Variants in KCNB2 observed in about 807,000 individuals in gnomAD.
The protein encoded by KCNB2 is delayed rectifier potassium channel protein.
A neutral mutation model predicts 61.5 loss-of-function variants in KCNB2; 15 were observed. The ratio of observed to expected loss-of-function variants is 0.24; its 90% CI spans 0.16 to 0.38. KCNB2 has a LOEUF of 0.38. KCNB2 is among the 10% of genes least tolerant of loss of function. The probability of loss-of-function intolerance (pLI) is 1.00; values close to 1 mark genes in which losing one functional copy is unlikely to be tolerated. For missense variants in KCNB2, 828 were observed against 1,125.2 expected, an observed-to-expected ratio of 0.74 and a Z score of 3.78; for synonymous variants, 457 against 446.0, an observed-to-expected ratio of 1.02 and a Z score of -0.31.
At chr8:72,661,510 G>C (rs188532408) in intron 2 of KCNB2, 1 of 152,112 alleles carries the variant, frequency 6.6e-6, no homozygotes, top group Non-Finnish European at 1.5e-5. Context: ...CTCATTTGAC[G>C]TAGTCATTTA....
intron 2 of KCNB2, among the ~76,000 whole-genome samples, chr8:72,609,020 G>A (rs554363735): frequency 2.0e-5 from 3 of 152,318 alleles, no homozygotes; most frequent in African/African-American, 7.2e-5. Context: ...TTAGGCACAA[G>A]TGATGTAGTG....
intron 2 of KCNB2, among the ~76,000 whole-genome samples, chr8:72,899,647 A>G (rs2129006504): frequency 6.9e-6 from 1 of 145,426 alleles, no homozygotes; most frequent in African/African-American, 2.6e-5. Context: ...AAGAATTGAA[A>G]TACCTAGGAA....
rs1254117190 is a variant in KCNB2, at chr8:72,775,166, G to A, written c.580-160769G>A. On this transcript the variant is annotated intron_variant, in intron 2 of 2. Coordinates refer to ENST00000523207, the MANE Select transcript of KCNB2 (RefSeq NM_004770.3). ...CAGTGAGACCAGCTCTGCCCTTCCG[G>A]TCAGGGCCTTCCACAGCCTGCAGTC... is the stretch of plus-strand genomic sequence containing the variant. Among the ~76,000 whole-genome samples the A allele has an allele frequency of 3.9e-5, 6 of 152,214 alleles. 1 individual carries two copies. Among genetic ancestry groups the A allele is most frequent in the Middle Eastern group, 3.4e-3 (1 of 294 alleles).
intron 2 of KCNB2, among the ~76,000 whole-genome samples, chr8:72,804,270 A>C (rs1809180094): frequency 6.6e-6 from 1 of 152,206 alleles, no homozygotes; most frequent in African/African-American, 2.4e-5. Context: ...AAGAGCAAGT[A>C]TACCTGCCTT....
intron 2 of KCNB2, among the ~76,000 whole-genome samples, chr8:72,868,075 ATTT>A (rs760574895): frequency 7.4e-6 from 1 of 135,382 alleles, no homozygotes; most frequent in Non-Finnish European, 1.6e-5. Flanking sequence ...TTTATTATTT[ATTT>A]TTTTTTTTTT....
intron 2 of KCNB2, among the ~76,000 whole-genome samples, chr8:72,925,186 C>T (rs1437431337): frequency 6.6e-6 from 1 of 152,112 alleles, no homozygotes; most frequent in Non-Finnish European, 1.5e-5. Flanking sequence ...GGGAATAAAT[C>T]CCTGCAATTC....
chr8:72,821,659 A>AAAAAAACAC (rs1554535735), intron 2 of KCNB2, among the ~76,000 whole-genome samples: 2 of 117,004 alleles, frequency 1.7e-5, no homozygotes, highest in Non-Finnish European at 3.4e-5. Flanking sequence ...AAAAAAAAAA[A>AAAAAAACAC]ACACACACAC....
chr8:72,669,357 A>T (rs1806526751), intron 2 of KCNB2, among the ~76,000 whole-genome samples: 1 of 152,254 alleles, frequency 6.6e-6, no homozygotes, highest in Non-Finnish European at 1.5e-5. Context: ...TAAAGTAAGT[A>T]TGACATTTTG....
At chr8:72,598,637 A>G (rs1444638273) in intron 2 of KCNB2, among the ~76,000 whole-genome samples, 1 of 152,216 alleles carries the variant, frequency 6.6e-6, no homozygotes, top group African/African-American at 2.4e-5. Context: ...AGGGCATTCA[A>G]TTAGGAAAAG....
At chr8:72,609,929 T>C (rs1458051326) in intron 2 of KCNB2, among the ~76,000 whole-genome samples, 1 of 152,186 alleles carries the variant, frequency 6.6e-6, no homozygotes, top group Non-Finnish European at 1.5e-5. Context: ...CGTGGAATAT[T>C]TTCACAGCTC....
rs1806524943 is a variant in KCNB2, at chr8:72,561,727, ATCTATAT to A, written c.-93-5914_-93-5908del. Among the ~76,000 whole-genome samples the A allele has an allele frequency of 8.5e-5, 3 of 35,264 alleles. No individual in the cohort carries two copies. In the East Asian group the frequency reaches 2.6e-3, roughly 30 times the overall value. 23.1% of individuals were successfully genotyped at this position (35,264 alleles called of 152,430 possible). ...TATATATATATATATATATATATAT[ATCTATAT>A]CTATATATATATGTATATATATATA... is the stretch of plus-strand genomic sequence containing the variant. On this transcript the variant is annotated intron_variant, in intron 1 of 2. Transcript: ENST00000523207.
At chr8:72,588,218 C>CTTTTTT (rs34803136) in intron 2 of KCNB2, among the ~76,000 whole-genome samples, 5 of 132,834 alleles carry the variant, frequency 3.8e-5, no homozygotes, top group Non-Finnish European at 8.0e-5. Flanking sequence ...GGTTTCTTTT[C>CTTTTTT]TTTTTTTTTT....
chr8:72,874,362 G>A (rs527489638), intron 2 of KCNB2, among the ~76,000 whole-genome samples: 18 of 152,244 alleles, frequency 1.2e-4, no homozygotes, highest in African/African-American at 2.9e-4. Context: ...GAACACTGAC[G>A]AGCCAGCACC....
intron 2 of KCNB2, among the ~76,000 whole-genome samples, chr8:72,638,644 G>A (rs144891046): frequency 6.9e-4 from 105 of 152,110 alleles, no homozygotes; most frequent in Non-Finnish European, 1.2e-3. Flanking sequence ...CACACAAGCC[G>A]GCAGTGTCCC....
At chr8:72,776,986 G>T (rs985763739) in intron 2 of KCNB2, among the ~76,000 whole-genome samples, 1 of 152,086 alleles carries the variant, frequency 6.6e-6, no homozygotes, top group African/African-American at 2.4e-5. Flanking sequence ...GCTATATGAT[G>T]ATTTAAATGG....
rs536453164 is a variant in KCNB2, at chr8:72,872,934, G to A, written c.580-63001G>A. On this transcript the variant is annotated intron_variant, in intron 2 of 2. Coordinates refer to ENST00000523207, the MANE Select transcript of KCNB2 (RefSeq NM_004770.3). ...GTCTCCCCCAAATAAAGACTGTGTCGGAATATTCCTCGTTGAATTCCCAGT... is the reference window on the plus strand; with the variant it reads ...GTCTCCCCCAAATAAAGACTGTGTCAGAATATTCCTCGTTGAATTCCCAGT... 1.1e-4 allele frequency among the ~76,000 whole-genome samples: 17 copies of A among 152,246 alleles called. No individual in the cohort carries two copies. In the South Asian group the frequency reaches 1.2e-3, roughly 11 times the overall value.
Position 72,718,722 on chromosome 8 carries a change from G to T in KCNB2, c.579+150409G>T, listed in dbSNP as rs185436008. 6.4e-3 allele frequency among the ~76,000 whole-genome samples: 967 copies of T among 151,792 alleles called. 10 individuals carry two copies. Among genetic ancestry groups the T allele is most frequent in the African/African-American group, 0.022 (910 of 41,332 alleles). On this transcript the variant is annotated intron_variant, in intron 2 of 2. Transcript: ENST00000523207. ...AGATCTACCTAATGCTAAATGATGA[G>T]TTAATGGGTGCAGCACACCAACATG...
intron 2 of KCNB2, among the ~76,000 whole-genome samples, chr8:72,869,860 A>C (rs1334168446): frequency 6.6e-6 from 1 of 152,146 alleles, no homozygotes; most frequent in Non-Finnish European, 1.5e-5. Context: ...AAAAGAATTA[A>C]AATCAGGATT....
chr8:72,899,788 G>A (rs1159847323), intron 2 of KCNB2, among the ~76,000 whole-genome samples: 2 of 152,122 alleles, frequency 1.3e-5, no homozygotes, highest in Non-Finnish European at 2.9e-5. Flanking sequence ...ACTGCCCAAA[G>A]CAGTTTATAG....
Sources: gnomAD v4.1 joint callset for allele counts (sites outside exome capture counted in the v4.1 genomes callset) on GRCh38, gnomAD v4.1.1 for gene constraint, MANE v1.5 for transcripts, NCBI Gene and HGNC (gene_info 2026-07-23, HGNC 2026-07-21) for gene names.